The following FRZB variants were observed in gnomAD, a reference collection of about 807,000 sequenced individuals.
The protein encoded by FRZB is frizzled related protein, also known as secreted frizzled-related protein 3.
In FRZB, 34 loss-of-function variants were observed where a neutral mutation model predicts 32.5. That is an observed-to-expected ratio of 1.05 (90% confidence interval 0.80 to 1.39). The LOEUF is 1.39. Ranked by LOEUF, FRZB falls within the 40% of genes most tolerant of loss-of-function variation. The pLI, the probability that FRZB is intolerant of heterozygous loss-of-function variation, is 0.00. For synonymous variants in FRZB, 170 were observed against 159.2 expected, an observed-to-expected ratio of 1.07 and a Z score of -0.51; for missense variants, 423 against 424.8, an observed-to-expected ratio of 1.00 and a Z score of 0.04.
chr2:182,838,648 T>C, intron 3 of FRZB, 35 bp from the exon 4 acceptor site: 1 of 1,557,420 alleles, frequency 6.4e-7, no homozygotes, highest in Non-Finnish European at 8.9e-7. Flanking sequence ...GATAATAATA[T>C]GACACATAAT....
At chr2:182,839,048 T>G (rs1178914585) in intron 3 of FRZB, among the ~76,000 whole-genome samples, 1 of 152,134 alleles carries the variant, frequency 6.6e-6, no homozygotes, top group Non-Finnish European at 1.5e-5. Context: ...TACTTAAATA[T>G]GCTTTATTCC....
chr2:182,836,367 A>T (rs1474836618), intron 5 of FRZB, among the ~76,000 whole-genome samples: 2 of 152,058 alleles, frequency 1.3e-5, no homozygotes, highest in Non-Finnish European at 2.9e-5. Context: ...GCCAAAGGAG[A>T]TTTTCTACCC....
At chr2:182,865,495 A>G (rs775751394) in intron 1 of FRZB, among the ~76,000 whole-genome samples, 2 of 152,198 alleles carry the variant, frequency 1.3e-5, no homozygotes, top group African/African-American at 4.8e-5. Flanking sequence ...TAATTGCTCA[A>G]ACTGGATCTT....
chr2:182,841,321 G>A (rs1433645161), intron 3 of FRZB, among the ~76,000 whole-genome samples: 1 of 152,016 alleles, frequency 6.6e-6, no homozygotes. Flanking sequence ...TTAATACACT[G>A]CATTTTGAAA....
chr2:182,859,043 T>TA (rs1159922541), intron 1 of FRZB, among the ~76,000 whole-genome samples: 2 of 152,110 alleles, frequency 1.3e-5, no homozygotes, highest in African/African-American at 2.4e-5. Context: ...TATAAGGAAA[T>TA]ACTCTTCTGA....
intron 2 of FRZB, among the ~76,000 whole-genome samples, chr2:182,852,251 A>C (rs1280570804): frequency 6.6e-6 from 1 of 152,164 alleles, no homozygotes; most frequent in African/African-American, 2.4e-5. Context: ...TCATGTCAGC[A>C]AAAGTGGGAG....
chr2:182,865,537 T>C (rs1415681314), intron 1 of FRZB, among the ~76,000 whole-genome samples: 1 of 152,192 alleles, frequency 6.6e-6, no homozygotes, highest in African/African-American at 2.4e-5. Flanking sequence ...ATCTGTCGGT[T>C]AGAGTAAGGT....
chr2:182,858,912 C>A, intron 1 of FRZB, 79 bp from the exon 2 acceptor site: 1 of 1,214,116 alleles, frequency 8.2e-7, no homozygotes, highest in Non-Finnish European at 1.2e-6. Context: ...AACTCAGTCA[C>A]AAGTTTGATT....
At chr2:182,855,008 T>C (rs1307620908) in intron 2 of FRZB, among the ~76,000 whole-genome samples, 1 of 152,190 alleles carries the variant, frequency 6.6e-6, no homozygotes, top group Non-Finnish European at 1.5e-5. Context: ...AAAACTGCAC[T>C]GTAGGATAAA....
At chr2:182,858,669 A>T (rs1227336695) in intron 2 of FRZB, 117 bp downstream of exon 2, 1 of 677,668 alleles carries the variant, frequency 1.5e-6, no homozygotes, top group Non-Finnish European at 2.5e-6. Context: ...GGAATTTTAA[A>T]AAGTTTACTT....
At chr2:182,864,610 A>C (rs1469695828) in intron 1 of FRZB, among the ~76,000 whole-genome samples, 1 of 152,266 alleles carries the variant, frequency 6.6e-6, no homozygotes, top group Non-Finnish European at 1.5e-5. Flanking sequence ...CACCATTAAA[A>C]AGTTCTTGAA....
intron 2 of FRZB, among the ~76,000 whole-genome samples, chr2:182,846,512 A>G (rs1695642167): frequency 6.6e-6 from 1 of 152,134 alleles, no homozygotes; most frequent in Non-Finnish European, 1.5e-5. Context: ...AGAAAATACA[A>G]TTGTATTTGT....
At chr2:182,864,229 C>T (rs1038604982) in intron 1 of FRZB, among the ~76,000 whole-genome samples, 1 of 152,154 alleles carries the variant, frequency 6.6e-6, no homozygotes, top group Non-Finnish European at 1.5e-5. Flanking sequence ...TTTTGAGAGC[C>T]ATTAACCTTG....
chr2:182,862,610 G>T (rs964587755), intron 1 of FRZB, among the ~76,000 whole-genome samples: 2 of 152,134 alleles, frequency 1.3e-5, no homozygotes, highest in Non-Finnish European at 2.9e-5. Flanking sequence ...GTTCTAGGCT[G>T]CATCTGCATT....
Position 182,837,939 on chromosome 2 carries a change from C to T in FRZB, c.861+9G>A, listed in dbSNP as rs1401067548. ...TGTGTATTACTTCAAACATAAAATA[C>T]AGGCTTACCTTAACTTTTTTACCGA... is the stretch of plus-strand genomic sequence containing the variant. On this transcript the variant is annotated intron_variant, in intron 5 of 5. Transcript: ENST00000295113. The T allele has an allele frequency of 8.7e-6, 14 of 1,607,810 alleles. No individual in the cohort carries two copies. The highest frequency in any genetic ancestry group is 1.7e-5 in the Admixed American group (1 of 59,734).
At chr2:182,838,688 G>A (rs372841486) in intron 3 of FRZB, 75 bp from the exon 4 acceptor site, 2 of 1,204,418 alleles carry the variant, frequency 1.7e-6, no homozygotes, top group Non-Finnish European at 1.2e-6. Flanking sequence ...AGCCAAAGTA[G>A]GCTTCTCTTT....
chr2:182,837,821 A>G, intron 5 of FRZB, 127 bp downstream of exon 5: 1 of 677,214 alleles, frequency 1.5e-6, no homozygotes. Context: ...ATATAAATAT[A>G]TGCATACTAA....
chr2:182,856,669 C>G (rs974908), intron 2 of FRZB, among the ~76,000 whole-genome samples: 104,812 of 151,930 alleles, frequency 0.69, 36,617 homozygotes, highest in African/African-American at 0.77. Context: ...AGCTGAATTA[C>G]CTATAGCAAT....
At position 182,849,394 on chromosome 2, in the gene FRZB, A is replaced by G. The variant is rs551176484; in HGVS notation, c.527-6851T>C. Reference sequence around the variant, plus strand: ...TACTGTAAATAAATTATACCTTAATAAAGTCCTATTAACAAAAAATAAGAC... The same window carrying G: ...TACTGTAAATAAATTATACCTTAATGAAGTCCTATTAACAAAAAATAAGAC... On this transcript the variant is annotated intron_variant, in intron 2 of 5. Coordinates refer to ENST00000295113, the MANE Select transcript of FRZB (RefSeq NM_001463.4). Among the ~76,000 whole-genome samples, 409 of 152,358 alleles carry G rather than the reference A, an allele frequency of 2.7e-3. 3 individuals carry two copies. The highest frequency in any genetic ancestry group is 7.0e-3 in the South Asian group (34 of 4,828).
Sources: allele counts gnomAD v4.1 joint callset (sites outside exome capture counted in the v4.1 genomes callset), GRCh38; gene constraint gnomAD v4.1.1; transcripts MANE v1.5; gene names NCBI Gene and HGNC (gene_info 2026-07-23, HGNC 2026-07-21).